ADAP1: variants seen among roughly 807,000 people sequenced by gnomAD.
ADAP1 encodes the protein ArfGAP with dual PH domains 1.
Under a neutral mutation model 54.9 loss-of-function variants are expected in ADAP1, and 31 were observed. The observed-to-expected ratio is 0.56, with a 90% CI of 0.42 to 0.76. The LOEUF is 0.76. Ranked by LOEUF, ADAP1 falls within the 30% of genes least tolerant of loss-of-function variation. The probability of loss-of-function intolerance (pLI) is 0.00; values close to 1 mark genes in which losing one functional copy is unlikely to be tolerated. For missense variants in ADAP1, 535 were observed against 512.4 expected (o/e 1.04, Z -0.42); for synonymous variants, 313 against 202.6 (o/e 1.55, Z -4.63).
chr7:923,449 C>T (rs959158530), intron 3 of ADAP1: 3 of 151,884 alleles, frequency 2.0e-5, no homozygotes, highest in Admixed American at 2.0e-4. Context: ...AGCAGAGCGG[C>T]CGCACGACTT....
chr7:912,919 G>C (rs1195020628), intron 4 of ADAP1, among the ~76,000 whole-genome samples: 4 of 152,222 alleles, frequency 2.6e-5, no homozygotes, highest in African/African-American at 9.6e-5. Flanking sequence ...TGCAATCACA[G>C]CTCACTGCAG....
intron 1 of ADAP1, among the ~76,000 whole-genome samples, chr7:942,299 GGAGGAGGAGGAAGA>G (rs1313013511): frequency 3.7e-4 from 53 of 145,056 alleles, no homozygotes; most frequent in Admixed American, 6.9e-4. Context: ...GGAAGAGAGA[GGAGGAGGAGGAAGA>G]GAGGAGGAGG....
chr7:930,125 A>AAAC (rs796392131), intron 2 of ADAP1, among the ~76,000 whole-genome samples: 8 of 134,714 alleles, frequency 5.9e-5, no homozygotes, highest in Non-Finnish European at 1.0e-4. Context: ...AAAAAAAAAA[A>AAAC]AACCCTCAGG....
chr7:925,334 A>G (rs1846344929), intron 3 of ADAP1, among the ~76,000 whole-genome samples: 1 of 146,050 alleles, frequency 6.8e-6, no homozygotes, highest in African/African-American at 2.6e-5. Flanking sequence ...CAGCCTGGGC[A>G]ATGTAGGGAG....
intron 3 of ADAP1, among the ~76,000 whole-genome samples, chr7:925,300 CG>C (rs58442607): frequency 0.21 from 30,970 of 148,160 alleles, 4,044 homozygotes; most frequent in Middle Eastern, 0.35. Context: ...GCAGGAGGAT[CG>C]CTTGAGCCCA....
rs1844640828 is a variant in ADAP1, at chr7:898,963, G to A, written c.1097-14C>T. The A allele has an allele frequency of 1.9e-6, 3 of 1,611,590 alleles. No homozygotes were observed. Among genetic ancestry groups the A allele is most frequent in the Middle Eastern group, 1.7e-4 (1 of 6,054 alleles). ...AGTGCGCCTCCACTGCAACGGAACA[G>A]GGTCCAGCGTTGTCACAGCGGCGGG... On this transcript the variant is annotated splice_polypyrimidine_tract_variant and intron_variant, in intron 10 of 10. Transcript: ENST00000265846.
At chr7:913,898 G>T (rs1845827113) in intron 4 of ADAP1, among the ~76,000 whole-genome samples, 1 of 152,210 alleles carries the variant, frequency 6.6e-6, no homozygotes, top group Non-Finnish European at 1.5e-5. Flanking sequence ...CCGCACCATT[G>T]CACCGCAGCC....
At chr7:929,487 C>T (rs1381536856) in intron 2 of ADAP1, among the ~76,000 whole-genome samples, 2 of 141,768 alleles carry the variant, frequency 1.4e-5, no homozygotes, top group African/African-American at 5.2e-5. Flanking sequence ...TCGGGACCAG[C>T]TTGAGCAACA....
Position 920,152 on chromosome 7 carries a change from G to A in ADAP1, c.306-102C>T. On this transcript the variant is annotated intron_variant, in intron 3 of 10. Transcript: ENST00000265846. The surrounding 1 kb of genome is among the most constrained non-coding windows in gnomAD (Gnocchi z 4.5). ...CCTGGACATCTCAAGAGGCTCATAGGGACCCCCGGCAGACTCGAGCCGCCC... is the reference window on the plus strand; with the variant it reads ...CCTGGACATCTCAAGAGGCTCATAGAGACCCCCGGCAGACTCGAGCCGCCC... 9.4e-7 allele frequency: 1 copy of A among 1,059,538 alleles called. No homozygotes were observed. The highest frequency in any genetic ancestry group is 1.4e-6 in the Non-Finnish European group (1 of 727,566). 65.6% of individuals were successfully genotyped at this position (1,059,538 alleles called of 1,614,324 possible).
In ADAP1 at chr7:925,068, G is replaced by A. The variant is rs1033295227; in HGVS notation, c.305+1485C>T. ...CGCCAGCCTCGGCCTTCTCAGTGGC[G>A]ATGTGGGGATTGCAGCTGGACCTGT... On this transcript the variant is annotated intron_variant, in intron 3 of 10. Coordinates refer to ENST00000265846, the MANE Select transcript of ADAP1 (RefSeq NM_006869.4). Among the ~76,000 whole-genome samples the A allele has an allele frequency of 7.9e-5, 12 of 152,058 alleles. No homozygotes were observed. The East Asian group carries it at 1.2e-3, about 15-fold the overall frequency.
Position 954,604 on chromosome 7 carries a change from G to A in ADAP1, c.-127C>T, listed in dbSNP as rs1164237332. 1.3e-4 allele frequency: 132 copies of A among 983,532 alleles called. No homozygotes were observed. The highest frequency in any genetic ancestry group is 1.6e-4 in the Non-Finnish European group (130 of 829,684). 60.9% of individuals were successfully genotyped at this position (983,532 alleles called of 1,614,324 possible). A position where few individuals can be genotyped will look rare whatever the true frequency, so the allele number is the denominator to read the frequency against. On this transcript the variant is annotated 5_prime_UTR_variant, in exon 1 of 11. Transcript: ENST00000265846. The stretch of plus-strand genomic sequence containing the variant: ...GCCATCCCGGGCGGCCTCAGCCCGC[G>A]CGCCGGTTCCGCATTCCCGCCGCCC...
chr7:920,702 A>C lies in ADAP1; in HGVS notation c.306-652T>G. The C allele has an allele frequency of 8.5e-7, 1 of 1,180,290 alleles. No homozygotes were observed. Among genetic ancestry groups the C allele is most frequent in the Non-Finnish European group, 1.2e-6 (1 of 841,780 alleles). 73.1% of individuals were successfully genotyped at this position (1,180,290 alleles called of 1,614,324 possible). A position where few individuals can be genotyped will look rare whatever the true frequency, so the allele number is the denominator to read the frequency against. On this transcript the variant is annotated intron_variant, in intron 3 of 10. Coordinates refer to ENST00000265846, the MANE Select transcript of ADAP1 (RefSeq NM_006869.4). The surrounding 1 kb of genome is among the most constrained non-coding windows in gnomAD (Gnocchi z 4.5). ...GCCCCCGAGAGTAAAGCCCGGGACGAGGGCCCCCCACGGCACCCACTGAGC... is the reference window on the plus strand; with the variant it reads ...GCCCCCGAGAGTAAAGCCCGGGACGCGGGCCCCCCACGGCACCCACTGAGC...
chr7:929,679 C>T (rs578248652), intron 2 of ADAP1, among the ~76,000 whole-genome samples: 3 of 151,936 alleles, frequency 2.0e-5, no homozygotes, highest in Admixed American at 1.3e-4. Flanking sequence ...TGTGTTGGGA[C>T]GTTAAAATGT....
intron 4 of ADAP1, among the ~76,000 whole-genome samples, chr7:917,388 G>A (rs966975109): frequency 1.3e-5 from 2 of 152,136 alleles, no homozygotes; most frequent in Admixed American, 6.5e-5. Context: ...GGGAGGGGTT[G>A]GAGCACTGGG....
At chr7:922,040 C>A (rs377098064) in intron 3 of ADAP1, among the ~76,000 whole-genome samples, 2 of 152,174 alleles carry the variant, frequency 1.3e-5, no homozygotes, top group Non-Finnish European at 2.9e-5. Context: ...ACCAGGAAGT[C>A]GGGGGCTGGA....
At chr7:906,712 GACATCGGGGACGGGACATGGGGGACA>G (rs1845431998) in intron 4 of ADAP1, among the ~76,000 whole-genome samples, 1 of 27,994 alleles carries the variant, frequency 3.6e-5, no homozygotes, top group African/African-American at 1.7e-4. Context: ...TGGGGGACGG[GACATCGGGGACGGGACATGGGGGACA>G]GAGTACATAG....
At position 905,178 on chromosome 7, in the gene ADAP1, G is replaced by A. The variant is rs552897437; in HGVS notation, c.389-6C>T. The A allele has an allele frequency of 5.0e-6, 8 of 1,608,844 alleles. No individual in the cohort carries two copies. In the African/African-American group the frequency reaches 8.0e-5, roughly 16 times the overall value. ...GAGAAAACCCTCACGGTACCCTGTG[G>A]GGGAAAGGGGACACGAGTCGGTGAC... On this transcript the variant is annotated splice_region_variant and splice_polypyrimidine_tract_variant and intron_variant, in intron 4 of 10. Coordinates refer to ENST00000265846, the MANE Select transcript of ADAP1 (RefSeq NM_006869.4).
At chr7:910,710 G>A (rs917127529) in intron 4 of ADAP1, among the ~76,000 whole-genome samples, 1 of 152,236 alleles carries the variant, frequency 6.6e-6, no homozygotes, top group Admixed American at 6.5e-5. Context: ...AGCTCACAGG[G>A]TGGTGGACCC....
At chr7:904,367 T>C (rs1583123401) in intron 5 of ADAP1, 95 bp from the exon 6 acceptor site, 8 of 1,448,928 alleles carry the variant, frequency 5.5e-6, no homozygotes, top group Admixed American at 2.4e-5. Flanking sequence ...GCGGCGCACC[T>C]GCTGTGCTGT....
Sources: gnomAD v4.1 joint callset for allele counts (sites outside exome capture counted in the v4.1 genomes callset) on GRCh38, gnomAD v4.1.1 for gene constraint, Gnocchi (gnomAD v3.1) non-coding constraint, MANE v1.5 for transcripts, NCBI Gene and HGNC (gene_info 2026-07-23, HGNC 2026-07-21) for gene names.